CLSTN2: variants seen among roughly 807,000 people sequenced by gnomAD.
The protein encoded by CLSTN2 is calsyntenin-2.
A neutral mutation model predicts 101.2 loss-of-function variants in CLSTN2; 48 were observed. The observed-to-expected ratio is 0.47, with a 90% CI of 0.38 to 0.60. The LOEUF (loss-of-function observed/expected upper bound fraction) is 0.60, where lower values mean the gene tolerates loss of function less well. Ranked by LOEUF, CLSTN2 falls within the 20% of genes least tolerant of loss-of-function variation. The pLI, the probability that CLSTN2 is intolerant of heterozygous loss-of-function variation, is 0.00. For missense variants in CLSTN2, 1,160 were observed against 1,238.2 expected (o/e 0.94, Z 0.95); for synonymous variants, 481 against 463.6 (o/e 1.04, Z -0.48).
chr3:140,197,082 T>G (rs1237569376), intron 2 of CLSTN2, among the ~76,000 whole-genome samples: 1 of 152,230 alleles, frequency 6.6e-6, no homozygotes, highest in East Asian at 1.9e-4. Context: ...ATGTAGTTTG[T>G]TTTCCAGTAT....
chr3:140,315,564 G>A (rs1028673867), intron 2 of CLSTN2, among the ~76,000 whole-genome samples: 6 of 152,128 alleles, frequency 3.9e-5, no homozygotes, highest in African/African-American at 9.7e-5. Flanking sequence ...TGCCTTCCAC[G>A]TGGGCCAAAT....
intron 2 of CLSTN2, among the ~76,000 whole-genome samples, chr3:140,209,224 G>A (rs1357521457): frequency 1.3e-5 from 2 of 152,134 alleles, no homozygotes; most frequent in East Asian, 1.9e-4. Context: ...GCAGCGAGCA[G>A]CACTCTGGCC....
intron 1 of CLSTN2, among the ~76,000 whole-genome samples, chr3:140,112,269 A>T (rs1444541596): frequency 7.2e-5 from 11 of 152,198 alleles, no homozygotes; most frequent in Non-Finnish European, 1.6e-4. Context: ...CGATTTCAGG[A>T]ACACCATTAT....
chr3:139,984,343 G>T (rs1171019384), intron 1 of CLSTN2, among the ~76,000 whole-genome samples: 1 of 152,178 alleles, frequency 6.6e-6, no homozygotes, highest in Non-Finnish European at 1.5e-5. Context: ...TTCAGGAGAT[G>T]AGAGCACTAC....
chr3:140,328,744 C>T (rs1351554823), intron 2 of CLSTN2, among the ~76,000 whole-genome samples: 1 of 152,160 alleles, frequency 6.6e-6, no homozygotes, highest in East Asian at 1.9e-4. Context: ...TACTTAACTT[C>T]TCCCTGCCTC....
intron 2 of CLSTN2, among the ~76,000 whole-genome samples, chr3:140,290,502 G>T (rs1201756926): frequency 6.6e-6 from 1 of 152,150 alleles, no homozygotes; most frequent in Non-Finnish European, 1.5e-5. Context: ...CAGGAGGAGA[G>T]ACCTCTACAA....
intron 2 of CLSTN2, among the ~76,000 whole-genome samples, chr3:140,345,559 CT>C (rs2087538363): frequency 6.7e-6 from 1 of 150,168 alleles, no homozygotes; most frequent in Non-Finnish European, 1.5e-5. Flanking sequence ...CGGATATAGC[CT>C]TTTTTTATGC....
intron 1 of CLSTN2, among the ~76,000 whole-genome samples, chr3:139,954,600 A>G (rs368791575): frequency 2.2e-4 from 33 of 152,154 alleles, no homozygotes; most frequent in African/African-American, 8.0e-4. Context: ...TACATAACCC[A>G]AGTGTCTGGG....
chr3:140,176,171 C>T lies in CLSTN2; in HGVS notation c.232+98C>T, dbSNP rs2010321695. 2.3e-6 allele frequency: 3 copies of T among 1,315,382 alleles called. No homozygotes were observed. In the African/African-American group the frequency reaches 4.4e-5, roughly 19 times the overall value. The allele number at this position is 1,315,382 out of a possible 1,614,324, so 81.5% of individuals were successfully genotyped here. On this transcript the variant is annotated intron_variant, in intron 2 of 16. Transcript: ENST00000458420. ...GAATATGGCTTTATAGCTATTGTCA[C>T]CACCCTGTGCATCTCTAGATCAGCC...
chr3:139,971,156 A>G (rs886805658), intron 1 of CLSTN2, among the ~76,000 whole-genome samples: 1 of 152,212 alleles, frequency 6.6e-6, no homozygotes, highest in Non-Finnish European at 1.5e-5. Context: ...GGGTCTTAGT[A>G]CTGTTAAATG....
At chr3:140,445,002 C>G (rs1214810373) in intron 5 of CLSTN2, among the ~76,000 whole-genome samples, 1 of 152,218 alleles carries the variant, frequency 6.6e-6, no homozygotes, top group Non-Finnish European at 1.5e-5. Context: ...GCGTCTCACT[C>G]TCTCAAGTAC....
chr3:140,559,417 T>G (rs1300541975), intron 12 of CLSTN2, among the ~76,000 whole-genome samples: 1 of 152,168 alleles, frequency 6.6e-6, no homozygotes, highest in Non-Finnish European at 1.5e-5. Flanking sequence ...TACTCTAAGC[T>G]CTCAGGAAAC....
At chr3:140,128,901 G>A (rs2009477812) in intron 1 of CLSTN2, among the ~76,000 whole-genome samples, 1 of 152,168 alleles carries the variant, frequency 6.6e-6, no homozygotes, top group South Asian at 2.1e-4. Flanking sequence ...GGGCAGAGCT[G>A]AGTGGATAAT....
Position 140,550,855 on chromosome 3 carries a change from CTTGG to C in CLSTN2, c.1674+4177_1674+4180del, listed in dbSNP as rs1239340823. ...TTATAACCAAGCTTGGTTATAAAGG[CTTGG>C]TTATAAGCCTTTTTATAACCAAGCC... On this transcript the variant is annotated intron_variant, in intron 10 of 16. Transcript: ENST00000458420. 1.3e-4 allele frequency among the ~76,000 whole-genome samples: 19 copies of C among 150,420 alleles called. 1 individual carries two copies. Among genetic ancestry groups the C allele is most frequent in the African/African-American group, 4.5e-4 (18 of 39,854 alleles).
chr3:139,975,264 A>C (rs539494060), intron 1 of CLSTN2, among the ~76,000 whole-genome samples: 1 of 152,002 alleles, frequency 6.6e-6, no homozygotes, highest in Non-Finnish European at 1.5e-5. Context: ...CCAAGATAGC[A>C]CCTTGGGCAA....
chr3:140,171,841 A>ATATTATATATAATAATATATT (rs2010239009), intron 1 of CLSTN2, among the ~76,000 whole-genome samples: 1 of 91,956 alleles, frequency 1.1e-5, no homozygotes, highest in African/African-American at 4.1e-5. Context: ...AACAATATAT[A>ATATTATATATAATAATATATT]ATATAATATA....
At chr3:139,980,088 C>CA (rs751784525) in intron 1 of CLSTN2, among the ~76,000 whole-genome samples, 3 of 152,240 alleles carry the variant, frequency 2.0e-5, no homozygotes, top group South Asian at 4.2e-4. Context: ...AGGCCACCAT[C>CA]ATCTCTCACC....
intron 5 of CLSTN2, among the ~76,000 whole-genome samples, chr3:140,429,167 GA>G (rs1215030262): frequency 6.6e-6 from 1 of 152,186 alleles, no homozygotes; most frequent in Non-Finnish European, 1.5e-5. Context: ...GAGAGACACT[GA>G]AATTGAATGC....
chr3:140,000,001 TCCTC>T (rs55689931), intron 1 of CLSTN2, among the ~76,000 whole-genome samples: 30,066 of 148,542 alleles, frequency 0.2, 3,434 homozygotes, highest in Admixed American at 0.33. Flanking sequence ...AAGTTAAAGA[TCCTC>T]CCTCCCTCCC....
Sources: gnomAD v4.1 joint callset for allele counts (sites outside exome capture counted in the v4.1 genomes callset) on GRCh38, gnomAD v4.1.1 for gene constraint, MANE v1.5 for transcripts, NCBI Gene and HGNC (gene_info 2026-07-23, HGNC 2026-07-21) for gene names.